STK32C: variants seen among roughly 807,000 people sequenced by gnomAD.
STK32C encodes serine/threonine-protein kinase 32C.
A neutral mutation model predicts 56.5 loss-of-function variants in STK32C; 31 were observed. That is an observed-to-expected ratio of 0.55 (90% CI 0.41 to 0.74). The LOEUF is 0.74. Among genes scored for constraint, STK32C ranks in the 30% least tolerant of loss-of-function variants. STK32C has a pLI of 0.00. For synonymous variants in STK32C, 309 were observed against 289.4 expected, an observed-to-expected ratio of 1.07 and a Z score of -0.69; for missense variants, 544 against 676.9, an observed-to-expected ratio of 0.80 and a Z score of 2.18.
intron 2 of STK32C, among the ~76,000 whole-genome samples, chr10:132,241,018 G>C (rs929526164): frequency 1.3e-5 from 2 of 152,220 alleles, no homozygotes; most frequent in Non-Finnish European, 2.9e-5. Flanking sequence ...GTGGAAATCC[G>C]GCCTCTGCCC....
chr10:132,266,820 T>C (rs2064550576), intron 1 of STK32C, among the ~76,000 whole-genome samples: 1 of 151,294 alleles, frequency 6.6e-6, no homozygotes, highest in Non-Finnish European at 1.5e-5. Flanking sequence ...GCGGGGGGAC[T>C]CCAAGGAGAG....
At chr10:132,271,706 C>T (rs374639848) in intron 1 of STK32C, among the ~76,000 whole-genome samples, 14 of 152,326 alleles carry the variant, frequency 9.2e-5, no homozygotes, top group African/African-American at 2.4e-4. Context: ...AAGCACACAT[C>T]GGAGTGACCT....
chr10:132,232,532 G>A (rs2063140067), intron 2 of STK32C, among the ~76,000 whole-genome samples: 1 of 152,042 alleles, frequency 6.6e-6, no homozygotes, highest in African/African-American at 2.4e-5. Context: ...CCAGGCCTGG[G>A]GGGCTGAGGG....
chr10:132,266,632 T>C (rs74161754), intron 1 of STK32C, among the ~76,000 whole-genome samples: 23,516 of 151,946 alleles, frequency 0.15, 4,954 homozygotes, highest in African/African-American at 0.48. Flanking sequence ...AGCCCTCAAT[T>C]TGTCTCCAGG....
rs1023351032 is a variant in STK32C at position 132,225,885 on chromosome 10, C to A, written c.645-101G>T. 5.4e-6 allele frequency: 8 copies of A among 1,487,322 alleles called. No homozygotes were observed. In the African/African-American group the frequency reaches 1.1e-4, roughly 20 times the overall value. 92.1% of individuals were successfully genotyped at this position (1,487,322 alleles called of 1,614,324 possible). A position where few individuals can be genotyped will look rare whatever the true frequency, so the allele number is the denominator to read the frequency against. ...TGGAGTCCCCAGGACATCCCACCAA[C>A]CCACTCGAGGCAGAGGCCTGGGAGC... On this transcript the variant is annotated intron_variant, in intron 4 of 11. Coordinates refer to ENST00000298630, the MANE Select transcript of STK32C (RefSeq NM_173575.4).
intron 2 of STK32C, among the ~76,000 whole-genome samples, chr10:132,231,008 G>A (rs1022556678): frequency 1.3e-4 from 20 of 152,152 alleles, no homozygotes; most frequent in Admixed American, 2.0e-4. Context: ...CAGACCGGGT[G>A]TCTACTCCAG....
chr10:132,244,317 T>C (rs2063608664), intron 2 of STK32C, among the ~76,000 whole-genome samples: 1 of 152,232 alleles, frequency 6.6e-6, no homozygotes, highest in Admixed American at 6.5e-5. Context: ...CGCCCATTTC[T>C]GGGCCAGCTG....
intron 1 of STK32C, among the ~76,000 whole-genome samples, chr10:132,273,203 C>T (rs1564765268): frequency 1.3e-5 from 2 of 152,130 alleles, no homozygotes; most frequent in East Asian, 1.9e-4. Flanking sequence ...AATAGGCTGA[C>T]GGGGCATCTG....
At chr10:132,254,214 C>T (rs2064021747) in intron 1 of STK32C, among the ~76,000 whole-genome samples, 1 of 152,106 alleles carries the variant, frequency 6.6e-6, no homozygotes, top group Non-Finnish European at 1.5e-5. Context: ...GAGGCTGAGG[C>T]AGGAGAACGG....
chr10:132,212,895 CA>C (rs2062357969), intron 10 of STK32C, among the ~76,000 whole-genome samples: 1 of 152,238 alleles, frequency 6.6e-6, no homozygotes, highest in Non-Finnish European at 1.5e-5. Flanking sequence ...GACAGGTGAG[CA>C]AAGTCACAGC....
upstream of STK32C, chr10:132,308,076 G>A (rs1388415329): frequency 2.8e-6 from 1 of 354,482 alleles, no homozygotes; most frequent in African/African-American, 2.3e-5. Flanking sequence ...GCCGGGGCGT[G>A]GCAGGTGCGG....
chr10:132,307,904 G>C lies in STK32C; in HGVS notation c.-71C>G. ...GGCCGGCAGGGCCGGGAGCGGCAGT[G>C]GTAGCGGGAGCGCTCGGGGCCGGCA... is the stretch of plus-strand genomic sequence containing the variant. On this transcript the variant is annotated 5_prime_UTR_variant, in exon 1 of 12. Transcript: ENST00000298630. The surrounding 1 kb of genome is among the most constrained non-coding windows in gnomAD (Gnocchi z 4.4). 5 of 1,116,200 alleles carry C rather than the reference G, an allele frequency of 4.5e-6. No individual in the cohort carries two copies. Among genetic ancestry groups the C allele is most frequent in the Non-Finnish European group, 5.5e-6 (5 of 910,614 alleles). The allele number at this position is 1,116,200 out of a possible 1,614,324, so 69.1% of individuals were successfully genotyped here.
At chr10:132,261,279 G>A (rs1255180033) in intron 1 of STK32C, among the ~76,000 whole-genome samples, 1 of 152,202 alleles carries the variant, frequency 6.6e-6, no homozygotes, top group Non-Finnish European at 1.5e-5. Flanking sequence ...AACGACCTCA[G>A]TAAAGTTTCA....
chr10:132,262,495 C>G (rs1309856030), intron 1 of STK32C, among the ~76,000 whole-genome samples: 1 of 152,100 alleles, frequency 6.6e-6, no homozygotes, highest in Non-Finnish European at 1.5e-5. Flanking sequence ...ACAGAAGAAA[C>G]AGAAAACCTA....
chr10:132,300,316 A>G (rs565551219), intron 1 of STK32C, among the ~76,000 whole-genome samples: 28 of 152,290 alleles, frequency 1.8e-4, no homozygotes, highest in African/African-American at 6.0e-4. Flanking sequence ...TAACATCGAG[A>G]TGGGTTTCCA....
At chr10:132,298,589 C>T (rs2065823524) in intron 1 of STK32C, among the ~76,000 whole-genome samples, 1 of 151,668 alleles carries the variant, frequency 6.6e-6, no homozygotes, top group East Asian at 1.9e-4. Flanking sequence ...TCCTGCTCAG[C>T]TCACTGGGGA....
chr10:132,227,901 G>A lies in STK32C; in HGVS notation c.470+76C>T. ...GGCACGAGGGCCAAGGAGCACCAAG[G>A]GCAGGAGAGGATAGCCAGTGCCTTC... On this transcript the variant is annotated intron_variant, in intron 3 of 11. Coordinates refer to ENST00000298630, the MANE Select transcript of STK32C (RefSeq NM_173575.4). 1.9e-6 allele frequency: 3 copies of A among 1,553,466 alleles called. No homozygotes were observed. The South Asian group carries it at 3.5e-5, about 18-fold the overall frequency.
At chr10:132,280,683 C>T (rs1238754631) in intron 1 of STK32C, among the ~76,000 whole-genome samples, 1 of 84,892 alleles carries the variant, frequency 1.2e-5, no homozygotes, top group African/African-American at 3.7e-5. Context: ...TGATCACGCA[C>T]CTCCACTCCG....
At chr10:132,289,311 G>A (rs1025069822) in intron 1 of STK32C, among the ~76,000 whole-genome samples, 2 of 152,296 alleles carry the variant, frequency 1.3e-5, no homozygotes, top group East Asian at 1.9e-4. Flanking sequence ...GATAGACAAC[G>A]ATTTCTTAGA....
Sources: gnomAD v4.1 joint callset for allele counts (sites outside exome capture counted in the v4.1 genomes callset) on GRCh38, gnomAD v4.1.1 for gene constraint, Gnocchi (gnomAD v3.1) non-coding constraint, MANE v1.5 for transcripts, NCBI Gene and HGNC (gene_info 2026-07-23, HGNC 2026-07-21) for gene names.